The following TRIM37 variants were observed in gnomAD, a reference collection of about 807,000 sequenced individuals.
The protein encoded by TRIM37 is E3 ubiquitin-protein ligase TRIM37.
Under a neutral mutation model 129.8 loss-of-function variants are expected in TRIM37, and 80 were observed. The ratio of observed to expected loss-of-function variants is 0.62; its 90% CI spans 0.51 to 0.74. TRIM37 has a LOEUF of 0.74. Ranked by LOEUF, TRIM37 falls within the 30% of genes least tolerant of loss-of-function variation. TRIM37 has a pLI of 0.00. For synonymous variants in TRIM37, 389 were observed against 387.1 expected (o/e 1.00, Z -0.06); for missense variants, 1,054 against 1,176.5 (o/e 0.90, Z 1.52).
chr17:59,098,967 C>T (rs1289380162), intron 2 of TRIM37, among the ~76,000 whole-genome samples: 1 of 151,982 alleles, frequency 6.6e-6, no homozygotes, highest in African/African-American at 2.4e-5. Context: ...GGTGGATCAC[C>T]AGGTCAAGAG....
intron 3 of TRIM37, among the ~76,000 whole-genome samples, chr17:59,090,783 G>A (rs570229481): frequency 2.6e-5 from 4 of 151,856 alleles, no homozygotes; most frequent in African/African-American, 7.2e-5. Context: ...GCGCCACCAC[G>A]CCCAGCTAAT....
intron 22 of TRIM37, among the ~76,000 whole-genome samples, chr17:59,009,887 T>C (rs1393265933): frequency 6.6e-6 from 1 of 152,200 alleles, no homozygotes; most frequent in Non-Finnish European, 1.5e-5. Context: ...ACTGGTAAAG[T>C]CTTTAACACA....
intron 21 of TRIM37, among the ~76,000 whole-genome samples, chr17:59,015,006 G>T (rs2035735574): frequency 6.6e-6 from 1 of 150,872 alleles, no homozygotes; most frequent in Non-Finnish European, 1.5e-5. Flanking sequence ...GAACCTGGGA[G>T]GCGGAGCGTG....
intron 19 of TRIM37, among the ~76,000 whole-genome samples, chr17:59,022,274 C>A (rs1349034173): frequency 6.6e-6 from 1 of 151,826 alleles, no homozygotes; most frequent in East Asian, 1.9e-4. Flanking sequence ...TAGGCCCAAA[C>A]TAAATAGGAT....
intron 8 of TRIM37, 139 bp downstream of exon 8, chr17:59,075,508 G>A: frequency 1.7e-6 from 1 of 603,840 alleles, no homozygotes; most frequent in South Asian, 1.9e-5. Context: ...AGTTTACAGT[G>A]AGCCGAGATC....
intron 16 of TRIM37, among the ~76,000 whole-genome samples, chr17:59,045,604 A>C (rs1444821810): frequency 1.3e-5 from 2 of 151,190 alleles, no homozygotes; most frequent in Non-Finnish European, 2.9e-5. Flanking sequence ...ATGCCACTGC[A>C]CTTAAGCCCG....
At chr17:59,055,991 T>A (rs191952649) in intron 13 of TRIM37, among the ~76,000 whole-genome samples, 2 of 152,276 alleles carry the variant, frequency 1.3e-5, no homozygotes, top group Admixed American at 1.3e-4. Flanking sequence ...CTCTTCTACT[T>A]TTAATTTGCT....
At chr17:59,100,809 G>A (rs1431702728) in intron 2 of TRIM37, among the ~76,000 whole-genome samples, 2 of 151,926 alleles carry the variant, frequency 1.3e-5, no homozygotes, top group Non-Finnish European at 2.9e-5. Context: ...GATCACCTGA[G>A]GTCAGGAGTT....
At position 59,049,363 on chromosome 17, in the gene TRIM37, T is replaced by C; in HGVS notation, c.1345A>G (p.Lys449Glu). Residue 449 changes from lysine (K) to glutamate (E), a missense_variant, in exon 15 of 24, where the codon AAG becomes GAG. Transcript: ENST00000262294. ...RLTIELSRTQ[K>E]SRDLSPPDNH... ...TCTGGTGGTGACAAATCTCTTGACTTCTGAGTTCGAGACAGCTCAATAGTA... is the reference window on the plus strand; with the variant it reads ...TCTGGTGGTGACAAATCTCTTGACTCCTGAGTTCGAGACAGCTCAATAGTA... The C allele has an allele frequency of 6.8e-6, 11 of 1,614,132 alleles. No homozygotes were observed. The highest frequency in any genetic ancestry group is 9.3e-6 in the Non-Finnish European group (11 of 1,180,038).
Position 58,990,913 on chromosome 17 carries a change from G to A in TRIM37, c.2892-7992C>T, listed in dbSNP as rs542899443. 5.9e-5 allele frequency among the ~76,000 whole-genome samples: 9 copies of A among 151,722 alleles called. No individual in the cohort carries two copies. The South Asian group carries it at 1.0e-3, about 18-fold the overall frequency. On this transcript the variant is annotated intron_variant, in intron 24 of 24. Transcript: ENST00000393066. Reference sequence around the variant, plus strand: ...TTCCTGGCCAGGCACGGTGGCTCACGGCTATAATCCCAGCACTTTGGGAGG... The same window carrying A: ...TTCCTGGCCAGGCACGGTGGCTCACAGCTATAATCCCAGCACTTTGGGAGG...
At chr17:59,042,374 CAA>C (rs1409397122) in intron 16 of TRIM37, among the ~76,000 whole-genome samples, 1 of 49,898 alleles carries the variant, frequency 2.0e-5, no homozygotes, top group African/African-American at 7.6e-5. Context: ...GACTCCATCT[CAA>C]AAAAAAAAAA....
chr17:58,976,269 A>C, the TRIM37 span, among the ~76,000 whole-genome samples: 725 of 152,296 alleles, frequency 4.8e-3, 5 homozygotes, highest in Non-Finnish European at 8.3e-3. Context: ...CTGATATGGG[A>C]GAATCTCTAC....
chr17:59,106,398 G>A (rs2045999087), intron 1 of TRIM37, 43 bp downstream of exon 1: 3 of 1,613,126 alleles, frequency 1.9e-6, no homozygotes, highest in East Asian at 2.2e-5. Flanking sequence ...ACCGCTCATC[G>A]GGTGGGGGCG....
rs997933070 is a variant in TRIM37 at position 58,998,985 on chromosome 17, A to C, written c.*392T>G. On this transcript the variant is annotated 3_prime_UTR_variant, in exon 24 of 24. Transcript: ENST00000262294. ...TAAAGATGATTATTTAAACACAACT[A>C]AGCTCTAGCCAAAGACAGTAGAGCA... 1.5e-5 allele frequency: 16 copies of C among 1,074,868 alleles called. No individual in the cohort carries two copies. The East Asian group carries it at 3.2e-4, about 22-fold the overall frequency. 66.6% of individuals were successfully genotyped at this position (1,074,868 alleles called of 1,614,324 possible). A position where few individuals can be genotyped will look rare whatever the true frequency, so the allele number is the denominator to read the frequency against.
chr17:59,042,449 A>ATATATATATATATATAT (rs1302050122), intron 16 of TRIM37, among the ~76,000 whole-genome samples: 8 of 36,050 alleles, frequency 2.2e-4, no homozygotes, highest in African/African-American at 3.3e-4. Flanking sequence ...AAAAAAAAAA[A>ATATATATATATATATAT]ATATATATAT....
intron 6 of TRIM37, 63 bp from the exon 7 acceptor site, chr17:59,079,940 T>C: frequency 6.5e-7 from 1 of 1,549,476 alleles, no homozygotes; most frequent in Non-Finnish European, 8.9e-7. Flanking sequence ...AAGCACCACA[T>C]TATAATATTG....
the TRIM37 span, among the ~76,000 whole-genome samples, chr17:58,970,775 A>G: frequency 6.6e-6 from 1 of 152,038 alleles, no homozygotes; most frequent in Non-Finnish European, 1.5e-5. Flanking sequence ...TCAGAGCTCC[A>G]GTCTCTTGAG....
intron 12 of TRIM37, among the ~76,000 whole-genome samples, chr17:59,060,594 T>C (rs2041394209): frequency 6.6e-6 from 1 of 152,160 alleles, no homozygotes; most frequent in Admixed American, 6.5e-5. Context: ...AAAAAGTACA[T>C]TTGTGGTTCT....
intron 16 of TRIM37, among the ~76,000 whole-genome samples, chr17:59,044,537 G>A (rs1461605233): frequency 3.3e-5 from 5 of 152,070 alleles, no homozygotes; most frequent in Admixed American, 3.3e-4. Flanking sequence ...ACTCCAGCCT[G>A]GGCGACAAGA....
Sources: allele counts gnomAD v4.1 joint callset (sites outside exome capture counted in the v4.1 genomes callset), GRCh38; gene constraint gnomAD v4.1.1; transcripts MANE v1.5; gene names NCBI Gene and HGNC (gene_info 2026-07-23, HGNC 2026-07-21).